DENND2A: variants seen among roughly 807,000 people sequenced by gnomAD.
The protein encoded by DENND2A is DENN domain containing 2A.
DENND2A carries 53 observed loss-of-function variants against 105.3 expected under a neutral mutation model. That is an observed-to-expected ratio of 0.50 (90% CI 0.40 to 0.63). The LOEUF (loss-of-function observed/expected upper bound fraction) is 0.63. Ranked by LOEUF, DENND2A falls within the 30% of genes least tolerant of loss-of-function variation. DENND2A has a pLI of 0.00. For missense variants in DENND2A, 1,138 were observed against 1,279.6 expected (o/e 0.89, Z 1.69); for synonymous variants, 522 against 508.4 (o/e 1.03, Z -0.36).
intron 14 of DENND2A, among the ~76,000 whole-genome samples, chr7:140,542,900 A>G (rs1206784922): frequency 6.6e-6 from 1 of 151,840 alleles, no homozygotes; most frequent in East Asian, 1.9e-4. Flanking sequence ...GCTAGGCCTC[A>G]CCTGTCCCCA....
At chr7:140,611,358 C>A (rs1799889905) in intron 1 of DENND2A, among the ~76,000 whole-genome samples, 1 of 151,934 alleles carries the variant, frequency 6.6e-6, no homozygotes, top group African/African-American at 2.4e-5. Flanking sequence ...ATTGCAAGAA[C>A]CCATCTCTAC....
intron 5 of DENND2A, among the ~76,000 whole-genome samples, chr7:140,583,473 G>A (rs778792406): frequency 1.6e-4 from 24 of 150,226 alleles, no homozygotes; most frequent in Admixed American, 2.0e-4. Flanking sequence ...GAGAGGTCCC[G>A]GTAAGAGCCA....
chr7:140,548,130 C>T (rs567545995), intron 12 of DENND2A, among the ~76,000 whole-genome samples: 5 of 151,926 alleles, frequency 3.3e-5, no homozygotes, highest in Non-Finnish European at 5.9e-5. Flanking sequence ...CTTGCTAGGT[C>T]GCCCAGGCTT....
At chr7:140,539,308 C>A (rs1796565112) in intron 14 of DENND2A, among the ~76,000 whole-genome samples, 1 of 152,140 alleles carries the variant, frequency 6.6e-6, no homozygotes, top group African/African-American at 2.4e-5. Context: ...AGTTTCAAAG[C>A]TGGGGGAGGC....
At chr7:140,547,289 G>A (rs1309981191) in intron 12 of DENND2A, among the ~76,000 whole-genome samples, 1 of 152,134 alleles carries the variant, frequency 6.6e-6, no homozygotes, top group Non-Finnish European at 1.5e-5. Context: ...TTTTTGGGAG[G>A]AATGAAAAAA....
intron 3 of DENND2A, among the ~76,000 whole-genome samples, chr7:140,593,546 C>T (rs1223239348): frequency 6.6e-6 from 1 of 152,244 alleles, no homozygotes; most frequent in Non-Finnish European, 1.5e-5. Context: ...TAACTTAGAG[C>T]TCCTCCCATT....
chr7:140,577,751 C>T (rs901560677), intron 5 of DENND2A, among the ~76,000 whole-genome samples: 9 of 152,096 alleles, frequency 5.9e-5, no homozygotes, highest in African/African-American at 2.2e-4. Flanking sequence ...GGGCCATATC[C>T]TCTCTGTTAA....
At position 140,567,304 on chromosome 7, in the gene DENND2A, A is replaced by AAGAGAGAGAG. The variant is rs60964847; in HGVS notation, c.1592-41_1592-32dup. 7.9e-4 allele frequency: 521 copies of AAGAGAGAGAG among 659,656 alleles called. 4 individuals are homozygous for AAGAGAGAGAG. Among genetic ancestry groups the AAGAGAGAGAG allele is most frequent in the African/African-American group, 5.0e-3 (182 of 36,562 alleles). 40.9% of individuals were successfully genotyped at this position (659,656 alleles called of 1,614,324 possible). ...TGAGGGAGGGAGAGAGAAAGAGAGA[A>AAGAGAGAGAG]AGAGAGAGAGAGAGAGAGAGAGAGA... On this transcript the variant is annotated intron_variant, in intron 8 of 19. Transcript: ENST00000496613.
intron 11 of DENND2A, among the ~76,000 whole-genome samples, chr7:140,557,516 T>TAC (rs1797412336): frequency 4.3e-5 from 1 of 23,120 alleles, no homozygotes; most frequent in Non-Finnish European, 1.2e-4. Flanking sequence ...TTAGTATATA[T>TAC]ATATATATAT....
In DENND2A at chr7:140,521,901, A is replaced by C; in HGVS notation, c.2865T>G (p.Phe955Leu). 6.2e-7 allele frequency: 1 copy of C among 1,614,132 alleles called. No homozygotes were observed. Among genetic ancestry groups the C allele is most frequent in the Middle Eastern group, 1.6e-4 (1 of 6,062 alleles). Residue 955 changes from phenylalanine (F) to leucine (L), a missense_variant, in exon 18 of 20, where the codon TTT (phenylalanine) becomes TTG (leucine). This residue lies in a region of DENND2A where 627 missense variants were observed against 779.8 expected (regional missense o/e 0.80). Transcript: ENST00000496613. The part of the protein sequence containing the change: ...FLEVFMETQM[F>L]RGFIQERELR... ...GCTCCCGCTCCTGGATGAAGCCCCG[A>C]AACATCTGAGTCTCCATGAAGACCT...
intron 8 of DENND2A, 23 bp from the exon 9 acceptor site, chr7:140,567,296 A>AAGAGTGAGAGAGAGAGAG: frequency 1.2e-6 from 1 of 830,716 alleles, no homozygotes. Flanking sequence ...GGGAGAGAGA[A>AAGAGTGAGAGAGAGAGAG]AGAGAGAAAG....
chr7:140,553,521 C>A (rs1797227377), intron 12 of DENND2A, among the ~76,000 whole-genome samples: 1 of 152,134 alleles, frequency 6.6e-6, no homozygotes, highest in African/African-American at 2.4e-5. Context: ...CAGCACAGAC[C>A]CTTTATGGGT....
At chr7:140,628,665 T>G (rs1373809047) in intron 1 of DENND2A, among the ~76,000 whole-genome samples, 1 of 148,462 alleles carries the variant, frequency 6.7e-6, no homozygotes, top group Non-Finnish European at 1.5e-5. Context: ...TCAGCCTCCC[T>G]AGTAGCTGGA....
chr7:140,579,400 T>C (rs1443162187), intron 5 of DENND2A, among the ~76,000 whole-genome samples: 2 of 40,658 alleles, frequency 4.9e-5, no homozygotes, highest in African/African-American at 6.7e-4. Flanking sequence ...AATCTTTTCT[T>C]TTTTTTTTTT....
At chr7:140,594,874 C>T (rs750536863) in intron 3 of DENND2A, among the ~76,000 whole-genome samples, 1 of 152,136 alleles carries the variant, frequency 6.6e-6, no homozygotes, top group Non-Finnish European at 1.5e-5. Flanking sequence ...TGCCACCATG[C>T]CCAGCTAAAT....
chr7:140,583,529 C>T (rs892036621), intron 5 of DENND2A, among the ~76,000 whole-genome samples: 5 of 150,042 alleles, frequency 3.3e-5, no homozygotes, highest in Admixed American at 1.3e-4. Flanking sequence ...CTGTGGGCCA[C>T]ATCTGGCCCA....
chr7:140,587,271 T>C (rs1036086858), intron 4 of DENND2A, among the ~76,000 whole-genome samples: 5 of 152,158 alleles, frequency 3.3e-5, no homozygotes, highest in Non-Finnish European at 7.3e-5. Context: ...TTCATCCTCA[T>C]TATGCAGATG....
At chr7:140,519,264 G>A (rs747691354) in intron 19 of DENND2A, among the ~76,000 whole-genome samples, 2 of 152,054 alleles carry the variant, frequency 1.3e-5, no homozygotes, top group Non-Finnish European at 2.9e-5. Context: ...TAAGTGTCAC[G>A]TTTCTACTTT....
At chr7:140,581,230 C>T (rs1004583506) in intron 5 of DENND2A, among the ~76,000 whole-genome samples, 1 of 152,114 alleles carries the variant, frequency 6.6e-6, no homozygotes, top group East Asian at 1.9e-4. Flanking sequence ...AGCCACTGCA[C>T]TCCAGCCTGG....
Sources: gnomAD v4.1 joint callset for allele counts (sites outside exome capture counted in the v4.1 genomes callset) on GRCh38, gnomAD v4.1.1 for gene constraint, gnomAD v4.1.1 regional missense constraint, MANE v1.5 for transcripts, NCBI Gene and HGNC (gene_info 2026-07-23, HGNC 2026-07-21) for gene names.